Variants in ERMP1 observed in about 807,000 individuals in gnomAD.
ERMP1 encodes endoplasmic reticulum metallopeptidase 1, also known as Felix-ina.
Under a neutral mutation model 92.0 loss-of-function variants are expected in ERMP1, and 86 were observed. That is an observed-to-expected ratio of 0.93 (90% CI 0.79 to 1.12). The LOEUF is 1.12. Among genes scored for constraint, ERMP1 ranks in the 50% most tolerant of loss-of-function variants. The pLI is 0.00. For missense variants in ERMP1, 1,342 were observed against 1,116.3 expected, an observed-to-expected ratio of 1.20 and a Z score of -2.88; for synonymous variants, 530 against 412.8, an observed-to-expected ratio of 1.28 and a Z score of -3.44.
upstream of ERMP1, among the ~76,000 whole-genome samples, chr9:5,837,325 C>G (rs942044674): frequency 3.9e-5 from 6 of 152,016 alleles, no homozygotes; most frequent in Non-Finnish European, 8.8e-5. Flanking sequence ...GAACCTCATA[C>G]CATATTACAC....
At position 5,812,109 on chromosome 9, in the gene ERMP1, A is replaced by T; in HGVS notation, c.1114+16T>A. The T allele has an allele frequency of 6.6e-7, 1 of 1,516,026 alleles. No individual in the cohort carries two copies. Among genetic ancestry groups the T allele is most frequent in the East Asian group, 2.3e-5 (1 of 44,386 alleles). 93.9% of individuals were successfully genotyped at this position (1,516,026 alleles called of 1,614,324 possible). A position where few individuals can be genotyped will look rare whatever the true frequency, so the allele number is the denominator to read the frequency against. ...CCATCTTAGTGTATATCAAAAGTCT[A>T]AATTGGAATACCAACCTGCTCTCTG... On this transcript the variant is annotated intron_variant, in intron 6 of 14. Transcript: ENST00000339450.
At chr9:5,838,564 G>A (rs971599961) in intron 6 of ERMP1, among the ~76,000 whole-genome samples, 1 of 151,966 alleles carries the variant, frequency 6.6e-6, no homozygotes, top group African/African-American at 2.4e-5. Flanking sequence ...AGAATTCATG[G>A]TTTTTGATGT....
intron 6 of ERMP1, among the ~76,000 whole-genome samples, chr9:5,838,514 G>A (rs971194125): frequency 2.0e-5 from 3 of 147,972 alleles, no homozygotes; most frequent in Non-Finnish European, 4.5e-5. Flanking sequence ...CTGGGCGACA[G>A]GGCAAAACCC....
At chr9:5,809,898 A>G (rs1829024409) in intron 8 of ERMP1, 113 bp downstream of exon 8, 1 of 701,662 alleles carries the variant, frequency 1.4e-6, no homozygotes, top group African/African-American at 1.8e-5. Context: ...TTCCATAACC[A>G]TGCTGAACAA....
Position 5,785,849 on chromosome 9 carries a change from C to G in ERMP1, c.*1295G>C, listed in dbSNP as rs1047557759. The G allele has an allele frequency of 6.6e-6, 1 of 152,210 alleles. No individual in the cohort carries two copies. The highest frequency in any genetic ancestry group is 2.4e-5 in the African/African-American group (1 of 41,444). 9.4% of individuals were successfully genotyped at this position (152,210 alleles called of 1,614,324 possible). A position where few individuals can be genotyped will look rare whatever the true frequency, so the allele number is the denominator to read the frequency against. On this transcript the variant is annotated 3_prime_UTR_variant, in exon 15 of 15. Transcript: ENST00000339450. ...AACTCAAAATTTGTCCAACGTTTCA[C>G]ATTTCCTAATGATAAAAAGAAAGCT...
At chr9:5,841,180 C>A (rs370770328) in intron 6 of ERMP1, among the ~76,000 whole-genome samples, 5 of 152,172 alleles carry the variant, frequency 3.3e-5, no homozygotes, top group African/African-American at 1.2e-4. Context: ...GGTACATTAG[C>A]AATCCATAAG....
chr9:5,849,596 C>G (rs765226774), intron 6 of ERMP1, among the ~76,000 whole-genome samples: 2 of 152,154 alleles, frequency 1.3e-5, no homozygotes, highest in Non-Finnish European at 2.9e-5. Flanking sequence ...GGTCACTGTT[C>G]AGAAGGTGGT....
chr9:5,847,012 T>A (rs1345772663), intron 6 of ERMP1, among the ~76,000 whole-genome samples: 1 of 152,164 alleles, frequency 6.6e-6, no homozygotes, highest in Admixed American at 6.5e-5. Context: ...AGATTCAGCA[T>A]ATTCTCTCCT....
chr9:5,865,504 T>A, intron 5 of ERMP1, among the ~76,000 whole-genome samples: 1 of 104,534 alleles, frequency 9.6e-6, no homozygotes, highest in Admixed American at 1.2e-4. Flanking sequence ...CAAGACTCCA[T>A]CTCAAAAAAT....
chr9:5,801,535 T>C (rs1828672713), intron 10 of ERMP1, among the ~76,000 whole-genome samples: 1 of 152,168 alleles, frequency 6.6e-6, no homozygotes, highest in African/African-American at 2.4e-5. Context: ...AAATGACAGA[T>C]GCCTCCAATC....
In ERMP1 at chr9:5,798,905, G is replaced by A. The variant is rs908005606; in HGVS notation, c.2171C>T (p.Pro724Leu). 5.0e-6 allele frequency: 8 copies of A among 1,612,722 alleles called. No individual in the cohort carries two copies. The East Asian group carries it at 1.8e-4, about 36-fold the overall frequency. The change falls in exon 12 of 15, where the codon CCT becomes CTT. Residue 724 changes from proline (P) to leucine (L), a missense_variant. Coordinates refer to ENST00000339450, the MANE Select transcript of ERMP1 (RefSeq NM_024896.3). ...FDYTGISHIT[P>L]HIPEINDSIR... ...ACTATCATTGATCTCAGGAATGTGA[G>A]GGGTTATGTGAGAAATTCCAGTATA...
chr9:5,807,748 C>A (rs577118830), intron 8 of ERMP1, among the ~76,000 whole-genome samples: 1 of 151,600 alleles, frequency 6.6e-6, no homozygotes, highest in South Asian at 2.1e-4. Flanking sequence ...TCTGTCTCAA[C>A]AACAACAACA....
chr9:5,865,572 C>T (rs1830632080), intron 5 of ERMP1, among the ~76,000 whole-genome samples: 1 of 150,704 alleles, frequency 6.6e-6, no homozygotes, highest in Non-Finnish European at 1.5e-5. Context: ...GTGGCTCACG[C>T]CTGTAATCCC....
intron 6 of ERMP1, among the ~76,000 whole-genome samples, chr9:5,846,580 C>A (rs370876886): frequency 6.6e-6 from 1 of 152,198 alleles, no homozygotes; most frequent in African/African-American, 2.4e-5. Context: ...TGGTTTCACT[C>A]ATGTATGTGT....
chr9:5,851,533 GTGATCATATCAGCCTTACAC>G (rs1830306995), intron 6 of ERMP1, among the ~76,000 whole-genome samples: 1 of 152,176 alleles, frequency 6.6e-6, no homozygotes. Context: ...GGGAGGGTTC[GTGATCATATCAGCCTTACAC>G]AGGGTGGTGC....
intron 13 of ERMP1, among the ~76,000 whole-genome samples, chr9:5,794,410 A>T (rs1828328820): frequency 6.6e-6 from 1 of 152,098 alleles, no homozygotes; most frequent in South Asian, 2.1e-4. Flanking sequence ...TCCAAAGTAA[A>T]CAGAAGAAAT....
intron 6 of ERMP1, among the ~76,000 whole-genome samples, chr9:5,852,314 G>A (rs953258789): frequency 6.6e-6 from 1 of 151,360 alleles, no homozygotes; most frequent in African/African-American, 2.4e-5. Context: ...TGTAGCTGGA[G>A]TGAAATGGCA....
chr9:5,852,765 C>T (rs1830326257), intron 6 of ERMP1, among the ~76,000 whole-genome samples: 1 of 151,756 alleles, frequency 6.6e-6, no homozygotes, highest in South Asian at 2.1e-4. Context: ...CTCAAACATG[C>T]TTTTTGAAAT....
chr9:5,816,457 T>A (rs1274839532), intron 4 of ERMP1, among the ~76,000 whole-genome samples: 1 of 152,214 alleles, frequency 6.6e-6, no homozygotes, highest in Non-Finnish European at 1.5e-5. Context: ...ATCCTGTTGA[T>A]CAACTTGGTT....
Sources: gnomAD v4.1 joint callset for allele counts (sites outside exome capture counted in the v4.1 genomes callset) on GRCh38, gnomAD v4.1.1 for gene constraint, MANE v1.5 for transcripts, NCBI Gene and HGNC (gene_info 2026-07-23, HGNC 2026-07-21) for gene names.